The following DMTN variants were observed in gnomAD, a reference collection of about 807,000 sequenced individuals.
DMTN encodes dematin actin binding protein, also known as dematin.
Under a neutral mutation model 59.4 loss-of-function variants are expected in DMTN, and 27 were observed. The observed-to-expected ratio is 0.45, with a 90% confidence interval of 0.33 to 0.63. DMTN has a LOEUF of 0.63. Among genes scored for constraint, DMTN ranks in the 20% least tolerant of loss-of-function variants. The pLI is 0.02. For missense variants in DMTN, 451 were observed against 528.9 expected (o/e 0.85, Z 1.45); for synonymous variants, 221 against 203.7 (o/e 1.08, Z -0.72).
At chr8:22,074,280 G>A (rs1359624862) in intron 10 of DMTN, among the ~76,000 whole-genome samples, 1 of 151,920 alleles carries the variant, frequency 6.6e-6, no homozygotes. Flanking sequence ...TTGTTTGTTT[G>A]TTTGTTTTAT....
At position 22,060,911 on chromosome 8, in the gene DMTN, T is replaced by A. The variant is rs111572422; in HGVS notation, c.-172+3775T>A. Among the ~76,000 whole-genome samples the A allele has an allele frequency of 0.045, 6,884 of 152,246 alleles. 159 individuals carry two copies. Among genetic ancestry groups the A allele is most frequent in the African/African-American group, 0.057 (2,376 of 41,528 alleles). ...TACTTAACTTGTTCAAGTCTCAACTTCTTCATGTGCAAACGAGGTACTCGC... is the reference window on the plus strand; with the variant it reads ...TACTTAACTTGTTCAAGTCTCAACTACTTCATGTGCAAACGAGGTACTCGC... On this transcript the variant is annotated intron_variant, in intron 1 of 15. Coordinates refer to ENST00000358242, the MANE Select transcript of DMTN (RefSeq NM_001387751.1). This position sits in a 1 kb window ranked among gnomAD's most constrained non-coding sequence, Gnocchi z 5.0.
At chr8:22,064,334 G>T (rs1039191043) in intron 1 of DMTN, among the ~76,000 whole-genome samples, 1 of 152,260 alleles carries the variant, frequency 6.6e-6, no homozygotes, top group Non-Finnish European at 1.5e-5. Flanking sequence ...GTATGTACCA[G>T]AATTTATTCT....
chr8:22,059,427 C>G (rs1477439919), intron 1 of DMTN: 2 of 152,266 alleles, frequency 1.3e-5, no homozygotes, highest in East Asian at 3.9e-4. Flanking sequence ...GCCAGAGGCC[C>G]CCACACTCCC....
Position 22,060,568 on chromosome 8 carries a change from C to T in DMTN, c.-172+3432C>T, listed in dbSNP as rs989399340. Among the ~76,000 whole-genome samples the T allele has an allele frequency of 6.6e-6, 1 of 152,274 alleles. No homozygotes were observed. ...TTAAGGCTAGGCCCACGTTTACGTG[C>T]AAATGCCCCACAAGGGGTAAGACAA... On this transcript the variant is annotated intron_variant, in intron 1 of 15. Coordinates refer to ENST00000358242, the MANE Select transcript of DMTN (RefSeq NM_001387751.1). This position sits in a 1 kb window ranked among gnomAD's most constrained non-coding sequence, Gnocchi z 5.0.
chr8:22,057,504 C>G (rs1258919427), intron 1 of DMTN, among the ~76,000 whole-genome samples: 4 of 152,164 alleles, frequency 2.6e-5, no homozygotes, highest in African/African-American at 9.7e-5. Context: ...GGCCCGCTGG[C>G]CTCCCCAAAA....
chr8:22,077,150 T>C (rs1820482589), intron 10 of DMTN, among the ~76,000 whole-genome samples: 1 of 151,722 alleles, frequency 6.6e-6, no homozygotes, highest in African/African-American at 2.4e-5. Context: ...CTGATAAAAG[T>C]AGTTGCTGTG....
chr8:22,077,862 T>C (rs1385561205), intron 10 of DMTN, among the ~76,000 whole-genome samples: 1 of 152,172 alleles, frequency 6.6e-6, no homozygotes, highest in African/African-American at 2.4e-5. Flanking sequence ...AGAAGTAATT[T>C]GGAGGGGAAA....
chr8:22,077,937 T>TG (rs1820965353), intron 10 of DMTN, among the ~76,000 whole-genome samples: 1 of 152,188 alleles, frequency 6.6e-6, no homozygotes, highest in Admixed American at 6.6e-5. Flanking sequence ...TACTTATTAT[T>TG]CTAAGAGTGA....
At chr8:22,050,310 G>A (rs547142120), upstream of DMTN, among the ~76,000 whole-genome samples, 36 of 152,232 alleles carry the variant, frequency 2.4e-4, no homozygotes, top group African/African-American at 8.4e-4. Flanking sequence ...GGTGGCTGGG[G>A]AGGAGGCTGG....
At chr8:22,049,287 C>T (rs1260662136), upstream of DMTN, 1 of 148,096 alleles carries the variant, frequency 6.8e-6, no homozygotes, top group Admixed American at 6.6e-5. Context: ...GGCGAGAAGG[C>T]GTCCCCTGTC....
In DMTN at chr8:22,069,019, T is replaced by C; in HGVS notation, c.253T>C (p.Ser85Pro). The change falls in exon 5 of 16, where the codon TCG becomes CCG. Residue 85 changes from serine (S) to proline (P), a missense_variant. Coordinates refer to ENST00000358242, the MANE Select transcript of DMTN (RefSeq NM_001387751.1). ...CCAGCCCCCTCTCCATTCACAGCGC[T>C]CGCTGTCACCCAAATCCACATCCCC... ...HVELPRSRER[S>P]LSPKSTSPPP... is the part of the protein sequence containing the mutation. 1 of 1,612,876 alleles carries C rather than the reference T, an allele frequency of 6.2e-7. No individual in the cohort carries two copies. Among genetic ancestry groups the C allele is most frequent in the Non-Finnish European group, 8.5e-7 (1 of 1,179,372 alleles).
chr8:22,069,373 T>A (rs879718507), intron 5 of DMTN, 46 bp from the exon 6 acceptor site: 13 of 1,533,180 alleles, frequency 8.5e-6, no homozygotes, highest in Non-Finnish European at 1.2e-5. Context: ...CATGTGTGGG[T>A]TGGAGGGGGT....
At chr8:22,051,212 G>A (rs138211235), upstream of DMTN, among the ~76,000 whole-genome samples, 6 of 152,224 alleles carry the variant, frequency 3.9e-5, no homozygotes, top group Middle Eastern at 3.4e-3. Flanking sequence ...TGGCGGCAGC[G>A]GCCACCAGTG....
At chr8:22,069,179 C>T (rs980261865) in intron 5 of DMTN, 119 bp downstream of exon 5, 1 of 1,222,658 alleles carries the variant, frequency 8.2e-7, no homozygotes, top group Admixed American at 2.4e-5. Flanking sequence ...ATCAGCGGCC[C>T]CCTGGCTGTC....
intron 11 of DMTN, 31 bp from the exon 12 acceptor site, chr8:22,080,381 A>G (rs1297161564): frequency 6.2e-7 from 1 of 1,614,138 alleles, no homozygotes; most frequent in South Asian, 1.1e-5. Flanking sequence ...AATATCCCCG[A>G]CTGCCTCTGA....
At chr8:22,071,272 A>G (rs35766730) in intron 8 of DMTN, among the ~76,000 whole-genome samples, 2,690 of 142,940 alleles carry the variant, frequency 0.019, 36 homozygotes, top group Non-Finnish European at 0.03. Flanking sequence ...AATTTTTTGT[A>G]TTTTTAGTAG....
Position 22,081,585 on chromosome 8 carries a change from G to A in DMTN, c.*122G>A, listed in dbSNP as rs983340888. The stretch of plus-strand genomic sequence containing the variant: ...GTGGGCTCCTTTCCTCAGGTAGAGT[G>A]GGGGGCCAAAACCTCTGCAGTCCCC... On this transcript the variant is annotated 3_prime_UTR_variant, in exon 16 of 16. Transcript: ENST00000358242. 9.9e-6 allele frequency: 8 copies of A among 806,382 alleles called. No homozygotes were observed. The highest frequency in any genetic ancestry group is 9.5e-5 in the South Asian group (6 of 62,914). 50.0% of individuals were successfully genotyped at this position (806,382 alleles called of 1,614,324 possible).
rs367898887 is a variant in DMTN at position 22,081,486 on chromosome 8, G to A, written c.*23G>A. Reference sequence around the variant, plus strand: ...TGATGGCCCCCACCTGCTCCGGGACGGCCCCCTTACCCCTGCTGCTTCAGG... The same window carrying A: ...TGATGGCCCCCACCTGCTCCGGGACAGCCCCCTTACCCCTGCTGCTTCAGG... On this transcript the variant is annotated 3_prime_UTR_variant, in exon 16 of 16. Transcript: ENST00000358242. 2.5e-4 allele frequency: 399 copies of A among 1,604,678 alleles called. 1 individual carries two copies. The highest frequency in any genetic ancestry group is 3.3e-4 in the Non-Finnish European group (385 of 1,171,710).
chr8:22,076,771 C>CACATAT (rs1214029153), intron 10 of DMTN, among the ~76,000 whole-genome samples: 1 of 151,936 alleles, frequency 6.6e-6, no homozygotes, highest in African/African-American at 2.4e-5. Flanking sequence ...CACACACACA[C>CACATAT]ACATATACAT....
Sources: gnomAD v4.1 joint callset for allele counts (sites outside exome capture counted in the v4.1 genomes callset) on GRCh38, gnomAD v4.1.1 for gene constraint, Gnocchi (gnomAD v3.1) non-coding constraint, MANE v1.5 for transcripts, NCBI Gene and HGNC (gene_info 2026-07-23, HGNC 2026-07-21) for gene names.